Variants in RFX3 observed in about 807,000 individuals in gnomAD.
RFX3 encodes the protein transcription factor RFX3.
Under a neutral mutation model 98.6 loss-of-function variants are expected in RFX3, and 14 were observed. That is an observed-to-expected ratio of 0.14 (90% confidence interval 0.09 to 0.22). The LOEUF (loss-of-function observed/expected upper bound fraction) is 0.22, where lower values mean the gene tolerates loss of function less well. Ranked by LOEUF, RFX3 falls within the 10% of genes least tolerant of loss-of-function variation. RFX3 has a pLI of 1.00. For synonymous variants in RFX3, 383 were observed against 328.4 expected (o/e 1.17, Z -1.80); for missense variants, 639 against 926.9 (o/e 0.69, Z 4.03).
chr9:3,328,257 T>C (rs1832155490), intron 4 of RFX3, among the ~76,000 whole-genome samples: 1 of 152,164 alleles, frequency 6.6e-6, no homozygotes, highest in African/African-American at 2.4e-5. Flanking sequence ...GGAGGAGTGC[T>C]ATATACTACT....
At chr9:3,303,017 T>C (rs923245304) in intron 4 of RFX3, among the ~76,000 whole-genome samples, 7 of 151,800 alleles carry the variant, frequency 4.6e-5, no homozygotes, top group Non-Finnish European at 8.8e-5. Flanking sequence ...CATAGGAAGA[T>C]GTAATACAAT....
At chr9:3,436,057 C>T (rs1845094656) in intron 1 of RFX3, among the ~76,000 whole-genome samples, 1 of 151,790 alleles carries the variant, frequency 6.6e-6, no homozygotes, top group Admixed American at 6.6e-5. Context: ...TCATGTACAT[C>T]CTTGAAAGTA....
intron 3 of RFX3, 40 bp downstream of exon 3, chr9:3,346,627 T>C: frequency 7.9e-7 from 1 of 1,261,004 alleles, no homozygotes; most frequent in Non-Finnish European, 1.2e-6. Flanking sequence ...TATTTTTCTC[T>C]GAGTGGGGGA....
At chr9:3,376,730 C>T (rs1422716940) in intron 2 of RFX3, among the ~76,000 whole-genome samples, 1 of 152,096 alleles carries the variant, frequency 6.6e-6, no homozygotes, top group Non-Finnish European at 1.5e-5. Context: ...CTACAATGAA[C>T]TCAAACAAAT....
At position 3,475,100 on chromosome 9, in the gene RFX3, C is replaced by CAAA. The variant is rs199543385; in HGVS notation, c.-9+50644_-9+50646dup. Among the ~76,000 whole-genome samples, 82 of 96,414 alleles carry CAAA rather than the reference C, an allele frequency of 8.5e-4. 1 individual carries two copies. The highest frequency in any genetic ancestry group is 6.5e-3 in the Middle Eastern group (1 of 154). 63.3% of individuals were successfully genotyped at this position (96,414 alleles called of 152,430 possible). A position where few individuals can be genotyped will look rare whatever the true frequency, so the allele number is the denominator to read the frequency against. Reference sequence around the variant, plus strand: ...GGGCAACAGAGCAAGACCCTGTCTCCAAAAAAAAAAAAAGAAAGAAAAAGA... The same window carrying CAAA: ...GGGCAACAGAGCAAGACCCTGTCTCCAAAAAAAAAAAAAAAAGAAAGAAAAAGA... On this transcript the variant is annotated intron_variant, in intron 1 of 16. Transcript: ENST00000617270.
intron 1 of RFX3, among the ~76,000 whole-genome samples, chr9:3,428,932 A>T (rs777001724): frequency 2.6e-5 from 4 of 152,156 alleles, no homozygotes; most frequent in Non-Finnish European, 4.4e-5. Flanking sequence ...CATTAGGCAC[A>T]GTGCCAAGGG....
At chr9:3,390,357 G>A (rs962450658) in intron 2 of RFX3, among the ~76,000 whole-genome samples, 29 of 152,136 alleles carry the variant, frequency 1.9e-4, no homozygotes, top group Admixed American at 3.3e-4. Context: ...GGAACAGTTC[G>A]GAGAACTCAG....
At chr9:3,397,153 G>A (rs1202371811) in intron 1 of RFX3, among the ~76,000 whole-genome samples, 1 of 152,144 alleles carries the variant, frequency 6.6e-6, no homozygotes, top group Admixed American at 6.5e-5. Context: ...AGTTTTGCCT[G>A]ACCTGCCATT....
At chr9:3,230,990 C>G (rs1818373479) in intron 15 of RFX3, among the ~76,000 whole-genome samples, 1 of 152,172 alleles carries the variant, frequency 6.6e-6, no homozygotes, top group South Asian at 2.1e-4. Flanking sequence ...GATGTTTCTA[C>G]TTAATACGAA....
chr9:3,503,323 T>C (rs1275796207), intron 1 of RFX3, among the ~76,000 whole-genome samples: 1 of 152,138 alleles, frequency 6.6e-6, no homozygotes, highest in African/African-American at 2.4e-5. Context: ...GAGAGAAAGA[T>C]GGTTTTTTGC....
At chr9:3,283,775 G>C (rs778938596) in intron 7 of RFX3, among the ~76,000 whole-genome samples, 1 of 151,700 alleles carries the variant, frequency 6.6e-6, no homozygotes. Flanking sequence ...AGAGGCAGGA[G>C]GTGGCACATT....
Position 3,228,856 on chromosome 9 carries a change from G to C in RFX3, c.2002C>G (p.Leu668Val). 6.2e-7 allele frequency: 1 copy of C among 1,609,910 alleles called. No individual in the cohort carries two copies. The highest frequency in any genetic ancestry group is 8.5e-7 in the Non-Finnish European group (1 of 1,178,666). Reference sequence around the variant, plus strand: ...TATTTTCGATTCTTACCTTTATCCAGATTTCCAGGAGACACGGCATTTAAA... The same window carrying C: ...TATTTTCGATTCTTACCTTTATCCACATTTCCAGGAGACACGGCATTTAAA... ...GDLNAVSPGNLDKDEGSEVES... is the reference protein window; with the variant it reads ...GDLNAVSPGNVDKDEGSEVES... The change falls in exon 16 of 17, where the codon CTG becomes GTG. Residue 668 changes from leucine (L) to valine (V), a missense_variant. Transcript: ENST00000617270.
chr9:3,417,103 G>T (rs923261209), intron 1 of RFX3, among the ~76,000 whole-genome samples: 3 of 151,722 alleles, frequency 2.0e-5, no homozygotes, highest in Non-Finnish European at 4.4e-5. Flanking sequence ...GGAATAAGAG[G>T]AGTCATTTCA....
intron 1 of RFX3, among the ~76,000 whole-genome samples, chr9:3,461,824 G>A (rs1162544547): frequency 6.6e-6 from 1 of 151,634 alleles, no homozygotes; most frequent in Non-Finnish European, 1.5e-5. Context: ...TTTTTACAAA[G>A]GCCTATATAA....
At chr9:3,315,286 C>A (rs1030530014) in intron 4 of RFX3, among the ~76,000 whole-genome samples, 2 of 139,440 alleles carry the variant, frequency 1.4e-5, no homozygotes, top group Non-Finnish European at 3.0e-5. Flanking sequence ...TGGGTACATA[C>A]GAAATGAAGG....
intron 1 of RFX3, chr9:3,400,200 C>T: frequency 1.0e-6 from 1 of 979,188 alleles, no homozygotes; most frequent in Non-Finnish European, 1.2e-6. Context: ...AGACGCTGCA[C>T]AAAGACAAGT....
intron 4 of RFX3, among the ~76,000 whole-genome samples, chr9:3,302,678 G>C (rs1828805931): frequency 6.6e-6 from 1 of 151,820 alleles, no homozygotes; most frequent in Non-Finnish European, 1.5e-5. Context: ...TTTGACTATG[G>C]AAATTGATAA....
chr9:3,454,529 C>A (rs990116168), intron 1 of RFX3, among the ~76,000 whole-genome samples: 2 of 152,058 alleles, frequency 1.3e-5, no homozygotes, highest in African/African-American at 2.4e-5. Flanking sequence ...CACTAGAAAG[C>A]CAAAAAGCAT....
intron 2 of RFX3, among the ~76,000 whole-genome samples, chr9:3,384,215 G>A (rs1179658008): frequency 6.8e-6 from 1 of 146,042 alleles, no homozygotes; most frequent in East Asian, 2.0e-4. Context: ...AATACCTCAT[G>A]TTTGCATTAT....
Sources: allele counts gnomAD v4.1 joint callset (sites outside exome capture counted in the v4.1 genomes callset), GRCh38; gene constraint gnomAD v4.1.1; transcripts MANE v1.5; gene names NCBI Gene and HGNC (gene_info 2026-07-23, HGNC 2026-07-21).